Variants in MATN2 observed in about 807,000 individuals in gnomAD.
MATN2 encodes matrilin-2.
In MATN2, 69 loss-of-function variants were observed where a neutral mutation model predicts 103.2. The ratio of observed to expected loss-of-function variants is 0.67; its 90% confidence interval spans 0.55 to 0.82. MATN2 has a LOEUF of 0.82. Ranked by LOEUF, MATN2 falls within the 40% of genes least tolerant of loss-of-function variation. The pLI is 0.00. For synonymous variants in MATN2, 429 were observed against 450.2 expected, an observed-to-expected ratio of 0.95 and a Z score of 0.60; for missense variants, 1,023 against 1,211.5, an observed-to-expected ratio of 0.84 and a Z score of 2.31.
rs774882403 is a variant in MATN2 at position 98,027,550 on chromosome 8, C to T, written c.2077C>T (p.Arg693Ter). The change falls in exon 14 of 19, where the codon CGA (arginine) becomes TGA (stop). Residue 693 changes from arginine to a stop codon, truncating the protein, a stop_gained. Coordinates refer to ENST00000254898, the MANE Select transcript of MATN2 (RefSeq NM_002380.5). LOFTEE classifies it high-confidence loss of function. Reference protein sequence around the residue: ...DSLTISPKAARVGLLQYSTQV... With the variant: ...DSLTISPKAA ...CTTGACAATTTCCCCCAAAGCCGCT[C>T]GAGTGGGGCTGCTCCAGTATTCCAC... is the stretch of plus-strand genomic sequence containing the variant. The T allele has an allele frequency of 5.6e-6, 9 of 1,613,892 alleles. No homozygotes were observed. The Admixed American group carries it at 6.7e-5, about 12-fold the overall frequency.
rs369533395 is a variant in MATN2, at chr8:98,027,851, G to A, written c.2356+22G>A. The A allele has an allele frequency of 3.5e-5, 54 of 1,526,164 alleles. No individual in the cohort carries two copies. In the African/African-American group the frequency reaches 7.1e-4, roughly 20 times the overall value. 94.5% of individuals were successfully genotyped at this position (1,526,164 alleles called of 1,614,324 possible). On this transcript the variant is annotated intron_variant, in intron 14 of 18. Transcript: ENST00000254898. ...AATGGTAATATGGGGTGGAGGTGCG[G>A]TTTACACCACTCAAGGTTCAGGTTT...
At chr8:97,974,675 G>C (rs1225383041) in intron 5 of MATN2, among the ~76,000 whole-genome samples, 1 of 151,884 alleles carries the variant, frequency 6.6e-6, no homozygotes, top group East Asian at 1.9e-4. Flanking sequence ...TTGAACTCCT[G>C]ACCTTGTGAT....
Position 98,030,515 on chromosome 8 carries a change from G to A in MATN2, c.2410G>A (p.Glu804Lys). 1.2e-6 allele frequency: 2 copies of A among 1,613,894 alleles called. No individual in the cohort carries two copies. Among genetic ancestry groups the A allele is most frequent in the South Asian group, 1.1e-5 (1 of 91,070 alleles). The change falls in exon 15 of 19, where the codon GAG becomes AAG. Residue 804 changes from glutamate to lysine, a missense_variant. Coordinates refer to ENST00000254898, the MANE Select transcript of MATN2 (RefSeq NM_002380.5). ...AAAAGCCATTGAGGAGGAACTACAA[G>A]AGATTGCCTCTGAGCCCACAAACAA... ...VGKAIEEELQ[E>K]IASEPTNKHL... is the part of the protein sequence containing the mutation.
At chr8:97,947,608 A>T (rs546362344) in intron 4 of MATN2, among the ~76,000 whole-genome samples, 30 of 152,150 alleles carry the variant, frequency 2.0e-4, no homozygotes, top group Non-Finnish European at 4.0e-4. Context: ...AGATTAATTT[A>T]AAAAAAACCT....
intron 1 of MATN2, among the ~76,000 whole-genome samples, chr8:97,883,517 A>G (rs982179614): frequency 6.7e-6 from 1 of 149,848 alleles, no homozygotes; most frequent in African/African-American, 2.5e-5. Context: ...CCTCCCAAGT[A>G]GCTGGGACTG....
At chr8:97,888,548 G>T (rs1041254699) in intron 2 of MATN2, among the ~76,000 whole-genome samples, 2 of 152,148 alleles carry the variant, frequency 1.3e-5, no homozygotes, top group South Asian at 2.1e-4. Context: ...CTGAGCAAAG[G>T]TGTTATGAAA....
At chr8:97,877,757 C>T (rs1586367195) in intron 1 of MATN2, among the ~76,000 whole-genome samples, 1 of 152,152 alleles carries the variant, frequency 6.6e-6, no homozygotes, top group African/African-American at 2.4e-5. Context: ...GACTTAAAAA[C>T]AGTCTACTGG....
chr8:97,989,679 A>G (rs1259015619), intron 6 of MATN2, among the ~76,000 whole-genome samples: 1 of 152,096 alleles, frequency 6.6e-6, no homozygotes, highest in Non-Finnish European at 1.5e-5. Context: ...AGATCAATAA[A>G]TGGTACCTAG....
At chr8:97,934,316 T>G (rs991306776) in intron 3 of MATN2, among the ~76,000 whole-genome samples, 1 of 152,220 alleles carries the variant, frequency 6.6e-6, no homozygotes, top group Non-Finnish European at 1.5e-5. Flanking sequence ...AGAAAGTAGA[T>G]GAGTGAACAG....
chr8:97,889,459 C>CTATATATATATATATATATATATA lies in MATN2; in HGVS notation c.142+1224_142+1247dup, dbSNP rs56115197. 6.3e-3 allele frequency among the ~76,000 whole-genome samples: 777 copies of CTATATATATATATATATATATATA among 122,994 alleles called. 18 individuals are homozygous for CTATATATATATATATATATATATA. Among genetic ancestry groups the CTATATATATATATATATATATATA allele is most frequent in the Middle Eastern group, 9.3e-3 (2 of 216 alleles). The allele number at this position is 122,994 out of a possible 152,430, so 80.7% of individuals were successfully genotyped here. ...AACATCTCTCTCTCTCTCTCTCTGT[C>CTATATATATATATATATATATATA]TATATATATATATATATATATATAT... is the stretch of plus-strand genomic sequence containing the variant. On this transcript the variant is annotated intron_variant, in intron 2 of 18. Coordinates refer to ENST00000254898, the MANE Select transcript of MATN2 (RefSeq NM_002380.5).
chr8:97,897,149 C>T (rs775033136), intron 2 of MATN2, among the ~76,000 whole-genome samples: 8 of 152,194 alleles, frequency 5.3e-5, no homozygotes, highest in Non-Finnish European at 1.2e-4. Context: ...GCCCTGTGCT[C>T]AAAGTGTCTG....
intron 4 of MATN2, among the ~76,000 whole-genome samples, chr8:97,944,258 T>A (rs1227773901): frequency 6.6e-6 from 1 of 152,242 alleles, no homozygotes; most frequent in Non-Finnish European, 1.5e-5. Context: ...GACGAATGAC[T>A]GCCACACTTT....
chr8:97,877,248 C>T lies in MATN2; in HGVS notation c.-27+7961C>T, dbSNP rs147516602. On this transcript the variant is annotated intron_variant, in intron 1 of 18. Coordinates refer to ENST00000254898, the MANE Select transcript of MATN2 (RefSeq NM_002380.5). ...ATCCTAACACTTTGGGAGGCCGAGGCGGGCGGATCATCTGAGGTTGGGAGT... is the reference window on the plus strand; with the variant it reads ...ATCCTAACACTTTGGGAGGCCGAGGTGGGCGGATCATCTGAGGTTGGGAGT... Among the ~76,000 whole-genome samples, 39 of 152,028 alleles carry T rather than the reference C, an allele frequency of 2.6e-4. No homozygotes were observed. The East Asian group carries it at 7.0e-3, about 27-fold the overall frequency.
intron 4 of MATN2, among the ~76,000 whole-genome samples, chr8:97,950,416 C>CAA (rs1466400830): frequency 2.0e-5 from 3 of 151,590 alleles, no homozygotes; most frequent in South Asian, 2.1e-4. Flanking sequence ...TTGGGGCTGG[C>CAA]AATAATGTAT....
At chr8:97,918,799 G>A (rs1456768672) in intron 2 of MATN2, among the ~76,000 whole-genome samples, 1 of 152,178 alleles carries the variant, frequency 6.6e-6, no homozygotes, top group Non-Finnish European at 1.5e-5. Context: ...ATGCAGGTAT[G>A]AGAGTCAGAC....
intron 4 of MATN2, among the ~76,000 whole-genome samples, chr8:97,949,622 A>G (rs948207431): frequency 2.0e-5 from 3 of 152,220 alleles, no homozygotes; most frequent in African/African-American, 4.8e-5. Context: ...ATATTTACCT[A>G]TCATGTGACC....
chr8:97,986,004 G>A lies in MATN2; in HGVS notation c.1081+6996G>A, dbSNP rs1012759839. ...AAGCATTTTGACATGTCACTTAAAC[G>A]TTATCAAAAACATTTTAATGTCTGT... On this transcript the variant is annotated intron_variant, in intron 6 of 18. Transcript: ENST00000254898. Among the ~76,000 whole-genome samples the A allele has an allele frequency of 3.3e-5, 5 of 152,172 alleles. No homozygotes were observed. The East Asian group carries it at 5.8e-4, about 18-fold the overall frequency.
At chr8:97,892,130 C>T (rs1003700920) in intron 2 of MATN2, among the ~76,000 whole-genome samples, 25 of 151,232 alleles carry the variant, frequency 1.7e-4, no homozygotes, top group African/African-American at 2.2e-4. Context: ...CCAGCTACTC[C>T]GGAGGCTGAG....
In MATN2 at chr8:98,035,724, C is replaced by G. The variant is rs539890541; in HGVS notation, c.*12C>G. 9 of 1,584,378 alleles carry G rather than the reference C, an allele frequency of 5.7e-6. No individual in the cohort carries two copies. In the African/African-American group the frequency reaches 1.2e-4, roughly 21 times the overall value. On this transcript the variant is annotated 3_prime_UTR_variant, in exon 19 of 19. Transcript: ENST00000254898. ...TGAGATACAGATGAAGATTAGAAAT[C>G]GCGACACATTTGTAGTCATTGTATC...
Sources: allele counts gnomAD v4.1 joint callset (sites outside exome capture counted in the v4.1 genomes callset), GRCh38; gene constraint gnomAD v4.1.1; transcripts MANE v1.5; gene names NCBI Gene and HGNC (gene_info 2026-07-23, HGNC 2026-07-21).